PCDH15: variants seen among roughly 807,000 people sequenced by gnomAD.
The protein encoded by PCDH15 is protocadherin related 15, also known as protocadherin-15.
Under a neutral mutation model 178.5 loss-of-function variants are expected in PCDH15, and 129 were observed. The observed-to-expected ratio is 0.72, with a 90% CI of 0.63 to 0.84. The LOEUF (loss-of-function observed/expected upper bound fraction) is 0.84, where lower values mean the gene tolerates loss of function less well. Among genes scored for constraint, PCDH15 ranks in the 40% least tolerant of loss-of-function variants. PCDH15 has a pLI of 0.00. For synonymous variants in PCDH15, 800 were observed against 732.0 expected, an observed-to-expected ratio of 1.09 and a Z score of -1.50; for missense variants, 2,230 against 2,099.9, an observed-to-expected ratio of 1.06 and a Z score of -1.21.
intron 1 of PCDH15, among the ~76,000 whole-genome samples, chr10:54,671,868 G>A (rs1436878381): frequency 6.6e-6 from 1 of 152,082 alleles, no homozygotes; most frequent in African/African-American, 2.4e-5. Flanking sequence ...TTCAGTACTG[G>A]TCCATGGCCT....
chr10:53,869,422 C>T (rs1360228044), intron 26 of PCDH15, among the ~76,000 whole-genome samples: 1 of 152,092 alleles, frequency 6.6e-6, no homozygotes, highest in Non-Finnish European at 1.5e-5. Context: ...ACATTTCTTC[C>T]ACATAGAATG....
At chr10:54,543,904 C>T (rs1288026142) in intron 2 of PCDH15, among the ~76,000 whole-genome samples, 1 of 152,154 alleles carries the variant, frequency 6.6e-6, no homozygotes, top group Non-Finnish European at 1.5e-5. Context: ...TCTCTAAGAG[C>T]AATACATAAC....
At chr10:55,561,178 A>G (rs1315134011) in intron 2 of PCDH15, among the ~76,000 whole-genome samples, 1 of 151,878 alleles carries the variant, frequency 6.6e-6, no homozygotes, top group Non-Finnish European at 1.5e-5. Context: ...AGGTAAAAGT[A>G]CATGTCTAAA....
rs191828897 is a variant in PCDH15 at position 55,170,287 on chromosome 10, A to C, written c.-155-3636T>G. ...GCCTCAGCCCCCCAGGTAGCTGAGA[A>C]TACAGATGTATGCCACCATATTGGC... is the stretch of plus-strand genomic sequence containing the variant. On this transcript the variant is annotated intron_variant, in intron 1 of 5. Coordinates refer to the PCDH15 transcript ENST00000458638. Among the ~76,000 whole-genome samples the C allele has an allele frequency of 3.2e-3, 483 of 151,930 alleles. 1 individual carries two copies. The highest frequency in any genetic ancestry group is 0.02 in the South Asian group (95 of 4,804).
intron 2 of PCDH15, among the ~76,000 whole-genome samples, chr10:54,641,376 A>G (rs2093984425): frequency 6.6e-6 from 1 of 152,122 alleles, no homozygotes; most frequent in Non-Finnish European, 1.5e-5. Context: ...TAAGATCTAG[A>G]TCCAGTAGTT....
At chr10:55,314,301 C>T (rs1195171447) in intron 1 of PCDH15, among the ~76,000 whole-genome samples, 1 of 151,200 alleles carries the variant, frequency 6.6e-6, no homozygotes, top group Admixed American at 6.6e-5. Context: ...CTACCTTTCT[C>T]TTTATACATT....
chr10:54,208,615 A>G (rs998934744), intron 10 of PCDH15, among the ~76,000 whole-genome samples: 3 of 152,042 alleles, frequency 2.0e-5, no homozygotes, highest in African/African-American at 7.2e-5. Context: ...CATATTGAGT[A>G]TGAAATTCCA....
intron 2 of PCDH15, among the ~76,000 whole-genome samples, chr10:55,073,779 G>C (rs1290585042): frequency 6.6e-6 from 1 of 151,956 alleles, no homozygotes; most frequent in Non-Finnish European, 1.5e-5. Context: ...CTAACCGTAG[G>C]CTTTTTTGGG....
chr10:54,357,264 C>T (rs1388295491), intron 5 of PCDH15, among the ~76,000 whole-genome samples: 5 of 152,038 alleles, frequency 3.3e-5, no homozygotes, highest in Non-Finnish European at 4.4e-5. Flanking sequence ...TCTGAAAACC[C>T]CACTGTCTCA....
intron 1 of PCDH15, among the ~76,000 whole-genome samples, chr10:54,774,789 A>G (rs978219140): frequency 6.6e-6 from 1 of 152,184 alleles, no homozygotes; most frequent in East Asian, 1.9e-4. Context: ...CTGAAATCTT[A>G]GGTAAGTCAT....
At chr10:53,917,256 T>A (rs946960565) in intron 25 of PCDH15, among the ~76,000 whole-genome samples, 2 of 152,206 alleles carry the variant, frequency 1.3e-5, no homozygotes, top group Non-Finnish European at 2.9e-5. Flanking sequence ...CTAAGACTAT[T>A]CCACTGATAA....
chr10:55,600,721 T>C (rs979964567), intron 2 of PCDH15, among the ~76,000 whole-genome samples: 2 of 152,094 alleles, frequency 1.3e-5, no homozygotes, highest in African/African-American at 4.8e-5. Flanking sequence ...CCGGGCCCAC[T>C]TCACAAAGTG....
At chr10:54,790,159 A>T (rs1951258895) in intron 1 of PCDH15, among the ~76,000 whole-genome samples, 1 of 151,844 alleles carries the variant, frequency 6.6e-6, no homozygotes, top group Non-Finnish European at 1.5e-5. Flanking sequence ...GAGAGCCACC[A>T]GACTTTTAAG....
chr10:54,299,541 A>G (rs1410530592), intron 8 of PCDH15, among the ~76,000 whole-genome samples: 1 of 152,210 alleles, frequency 6.6e-6, no homozygotes, highest in Non-Finnish European at 1.5e-5. Context: ...AAAAGCACTG[A>G]GGCTACTGAC....
intron 1 of PCDH15, among the ~76,000 whole-genome samples, chr10:54,704,764 G>A (rs116993938): frequency 0.014 from 2,120 of 152,184 alleles, 24 homozygotes; most frequent in Middle Eastern, 0.024. Flanking sequence ...AAAGCAGTTT[G>A]GAGATTTCTC....
At chr10:55,601,245 C>T (rs1259286234) in intron 2 of PCDH15, among the ~76,000 whole-genome samples, 1 of 152,148 alleles carries the variant, frequency 6.6e-6, no homozygotes, top group Non-Finnish European at 1.5e-5. Flanking sequence ...GAAACACATA[C>T]ACTTATATAT....
At chr10:55,054,626 C>T (rs1209949755) in intron 2 of PCDH15, among the ~76,000 whole-genome samples, 2 of 151,914 alleles carry the variant, frequency 1.3e-5, no homozygotes, top group Middle Eastern at 3.4e-3. Context: ...AACAGTTGAA[C>T]TAATTTACAC....
chr10:53,948,821 C>T (rs2086782991), intron 23 of PCDH15, among the ~76,000 whole-genome samples: 1 of 152,182 alleles, frequency 6.6e-6, no homozygotes, highest in South Asian at 2.1e-4. Context: ...CACAGTCCAA[C>T]TCTCCCTACT....
chr10:55,180,418 T>C (rs961148215), intron 1 of PCDH15, among the ~76,000 whole-genome samples: 1 of 152,124 alleles, frequency 6.6e-6, no homozygotes, highest in African/African-American at 2.4e-5. Context: ...CAGTATGTGC[T>C]TTAGATAAGT....
Sources: gnomAD v4.1 joint callset for allele counts (sites outside exome capture counted in the v4.1 genomes callset) on GRCh38, gnomAD v4.1.1 for gene constraint, MANE v1.5 for transcripts, NCBI Gene and HGNC (gene_info 2026-07-23, HGNC 2026-07-21) for gene names.